The following S100A8 variants were observed in gnomAD, a reference collection of about 807,000 sequenced individuals.
S100A8 encodes S100 calcium binding protein A8, also known as protein S100-A8.
S100A8 carries 1 observed loss-of-function variant against 4.2 expected under a neutral mutation model. The ratio of observed to expected loss-of-function variants is 0.24; its 90% confidence interval spans 0.08 to 1.12. The LOEUF (loss-of-function observed/expected upper bound fraction) is 1.12. Ranked by LOEUF, S100A8 falls within the 50% of genes most tolerant of loss-of-function variation. S100A8 has a pLI of 0.53. For synonymous variants in S100A8, 41 were observed against 44.7 expected (o/e 0.92, Z 0.33); for missense variants, 96 against 111.8 (o/e 0.86, Z 0.64).
chr1:153,412,121 A>G, the S100A8 span, among the ~76,000 whole-genome samples: 34 of 152,242 alleles, frequency 2.2e-4, no homozygotes, highest in Non-Finnish European at 3.2e-4. Context: ...ACAAAAGCCA[A>G]AATTGACAAA....
At chr1:153,414,507 T>A in the S100A8 span, among the ~76,000 whole-genome samples, 11 of 152,212 alleles carry the variant, frequency 7.2e-5, no homozygotes, top group Admixed American at 4.6e-4. Flanking sequence ...GCATATCAGC[T>A]GATGCTCCAC....
chr1:153,421,945 T>C, the S100A8 span: 1 of 152,276 alleles, frequency 6.6e-6, no homozygotes, highest in Non-Finnish European at 1.5e-5. Flanking sequence ...CTAATGTTCC[T>C]GAGACTATTT....
chr1:153,412,313 A>T, the S100A8 span, among the ~76,000 whole-genome samples: 1 of 152,244 alleles, frequency 6.6e-6, no homozygotes, highest in African/African-American at 2.4e-5. Context: ...CCCATCAAAA[A>T]GTGGGCAAAG....
the S100A8 span, among the ~76,000 whole-genome samples, chr1:153,409,549 G>A: frequency 2.6e-5 from 4 of 152,156 alleles, no homozygotes; most frequent in Non-Finnish European, 5.9e-5. Flanking sequence ...ATACCCCACT[G>A]TCAACATTAG....
chr1:153,419,638 C>A, the S100A8 span: 1 of 332,284 alleles, frequency 3.0e-6, no homozygotes, highest in Non-Finnish European at 5.5e-6. Context: ...CAGGTCACAG[C>A]AATGCTCTCC....
the S100A8 span, among the ~76,000 whole-genome samples, chr1:153,412,658 C>T: frequency 1.3e-5 from 2 of 152,214 alleles, no homozygotes; most frequent in Non-Finnish European, 2.9e-5. Flanking sequence ...GATTATAAAT[C>T]ATGCTGCTAT....
the S100A8 span, chr1:153,421,497 T>C: frequency 6.6e-6 from 1 of 152,228 alleles, no homozygotes; most frequent in African/African-American, 2.4e-5. Context: ...CAATATAAAA[T>C]GTATTTGTGC....
chr1:153,411,861 GACAAAA>G, the S100A8 span, among the ~76,000 whole-genome samples: 40 of 152,284 alleles, frequency 2.6e-4, no homozygotes, highest in Non-Finnish European at 5.3e-4. Context: ...TGACAAACCT[GACAAAA>G]ACAAGAAATG....
chr1:153,396,533 A>C, the S100A8 span: 146,249 of 152,940 alleles, frequency 0.96, 69,982 homozygotes, highest in East Asian at 1. Flanking sequence ...TCCTGATATC[A>C]AGGTCACACC....
the S100A8 span, among the ~76,000 whole-genome samples, chr1:153,416,241 T>C: frequency 6.6e-6 from 1 of 152,138 alleles, no homozygotes. Flanking sequence ...CAGTGCTCTT[T>C]TCTCCCATTT....
In S100A8 at chr1:153,390,550, T is replaced by C. The variant is rs757437152; in HGVS notation, c.-15A>G. On this transcript the variant is annotated 5_prime_UTR_variant, in exon 2 of 3. Coordinates refer to ENST00000368733, the MANE Select transcript of S100A8 (RefSeq NM_002964.5). ...TCGGTCAACATGATGCCCACGGACT[T>C]GCCCCACCTGAAAAACAGAACCTTC... 1.9e-6 allele frequency: 3 copies of C among 1,613,864 alleles called. No individual in the cohort carries two copies. Among genetic ancestry groups the C allele is most frequent in the Non-Finnish European group, 2.5e-6 (3 of 1,179,920 alleles).
At chr1:153,406,469 C>T in the S100A8 span, among the ~76,000 whole-genome samples, 4 of 152,144 alleles carry the variant, frequency 2.6e-5, no homozygotes, top group Admixed American at 2.6e-4. Flanking sequence ...GGAGTTCTCT[C>T]CTGGGGCCAG....
chr1:153,398,714 C>T, the S100A8 span, among the ~76,000 whole-genome samples: 2 of 152,224 alleles, frequency 1.3e-5, no homozygotes, highest in African/African-American at 4.8e-5. Context: ...AGCCAGGCAC[C>T]AGGTAAGCAC....
At chr1:153,418,615 T>A in the S100A8 span, among the ~76,000 whole-genome samples, 1 of 152,042 alleles carries the variant, frequency 6.6e-6, no homozygotes, top group Non-Finnish European at 1.5e-5. Context: ...CTAGTAGAAA[T>A]CAATAGCCCT....
At chr1:153,412,254 C>A in the S100A8 span, among the ~76,000 whole-genome samples, 1 of 152,062 alleles carries the variant, frequency 6.6e-6, no homozygotes, top group Non-Finnish European at 1.5e-5. Flanking sequence ...GGCTAATATC[C>A]AGAATCTACA....
At chr1:153,403,790 T>G in the S100A8 span, among the ~76,000 whole-genome samples, 2 of 152,332 alleles carry the variant, frequency 1.3e-5, no homozygotes, top group South Asian at 4.1e-4. Context: ...TATTTCCTTT[T>G]TTTAAAATCC....
the S100A8 span, among the ~76,000 whole-genome samples, chr1:153,415,913 A>G: frequency 1.3e-5 from 2 of 152,218 alleles, no homozygotes; most frequent in Non-Finnish European, 2.9e-5. Flanking sequence ...GGATAAGAGT[A>G]AGGATTTGAT....
chr1:153,392,206 A>G (rs1662115466), upstream of S100A8, among the ~76,000 whole-genome samples: 1 of 152,258 alleles, frequency 6.6e-6, no homozygotes, highest in African/African-American at 2.4e-5. Flanking sequence ...CACTTCTCCG[A>G]AGAAGATATA....
chr1:153,418,120 T>C, the S100A8 span: 1 of 1,614,176 alleles, frequency 6.2e-7, no homozygotes, highest in Non-Finnish European at 8.5e-7. Flanking sequence ...ATAATAGGCA[T>C]GATCGACATG....
Sources: allele counts gnomAD v4.1 joint callset (sites outside exome capture counted in the v4.1 genomes callset), GRCh38; gene constraint gnomAD v4.1.1; transcripts MANE v1.5; gene names NCBI Gene and HGNC (gene_info 2026-07-23, HGNC 2026-07-21).